ANKS1B: variants seen among roughly 807,000 people sequenced by gnomAD.
ANKS1B encodes ankyrin repeat and sterile alpha motif domain containing 1B, also known as ankyrin repeat and sterile alpha motif domain-containing protein 1B.
A neutral mutation model predicts 148.3 loss-of-function variants in ANKS1B; 36 were observed. That is an observed-to-expected ratio of 0.24 (90% CI 0.19 to 0.32). The LOEUF (loss-of-function observed/expected upper bound fraction) is 0.32. ANKS1B is among the 10% of genes least tolerant of loss of function. ANKS1B has a pLI of 1.00. For synonymous variants in ANKS1B, 542 were observed against 560.8 expected (o/e 0.97, Z 0.47); for missense variants, 1,157 against 1,542.6 (o/e 0.75, Z 4.19).
intron 8 of ANKS1B, among the ~76,000 whole-genome samples, chr12:99,745,739 A>C (rs1425115390): frequency 6.6e-6 from 1 of 152,070 alleles, no homozygotes; most frequent in Non-Finnish European, 1.5e-5. Flanking sequence ...ATTTTTAAAA[A>C]TCTAATTGAT....
chr12:99,933,413 T>C (rs1309273935), intron 1 of ANKS1B, among the ~76,000 whole-genome samples: 6 of 152,224 alleles, frequency 3.9e-5, no homozygotes, highest in Non-Finnish European at 8.8e-5. Flanking sequence ...TTTTTCCATT[T>C]TTCCATGTCC....
chr12:99,648,412 C>G (rs1567558795), intron 9 of ANKS1B: 2 of 1,614,198 alleles, frequency 1.2e-6, no homozygotes, highest in Non-Finnish European at 1.7e-6. Flanking sequence ...CAGCCCCTGC[C>G]TCACACTACC....
chr12:99,832,517 A>C (rs1171954879), intron 1 of ANKS1B, among the ~76,000 whole-genome samples: 3 of 152,160 alleles, frequency 2.0e-5, no homozygotes, highest in Middle Eastern at 6.8e-3. Context: ...TGAGGTCAGG[A>C]GTTCGAAACC....
At chr12:98,783,244 T>G (rs2098755011) in intron 22 of ANKS1B, among the ~76,000 whole-genome samples, 1 of 152,208 alleles carries the variant, frequency 6.6e-6, no homozygotes, top group Non-Finnish European at 1.5e-5. Context: ...CTGGAAAAGC[T>G]CGAGTCTAGT....
chr12:99,540,569 T>C (rs1350777660), intron 9 of ANKS1B, among the ~76,000 whole-genome samples: 8 of 152,134 alleles, frequency 5.3e-5, no homozygotes, highest in African/African-American at 1.9e-4. Flanking sequence ...TAATTAGCAA[T>C]GTGCCAAAGA....
intron 8 of ANKS1B, among the ~76,000 whole-genome samples, chr12:99,673,836 A>G (rs2098549534): frequency 6.6e-6 from 1 of 151,718 alleles, no homozygotes; most frequent in Non-Finnish European, 1.5e-5. Context: ...GGTTATTAAT[A>G]TGGTCATTAT....
intron 17 of ANKS1B, among the ~76,000 whole-genome samples, chr12:98,921,501 T>A (rs2099801378): frequency 1.3e-5 from 2 of 152,218 alleles, no homozygotes; most frequent in South Asian, 4.1e-4. Flanking sequence ...TTCAAGCAGC[T>A]CCGTGTGTTT....
At chr12:98,992,061 C>T (rs1343343242) in intron 17 of ANKS1B, among the ~76,000 whole-genome samples, 18 of 152,162 alleles carry the variant, frequency 1.2e-4, no homozygotes, top group Non-Finnish European at 2.5e-4. Context: ...GGGTAGGTTA[C>T]AGGACAGATG....
At chr12:98,752,265 T>C (rs59767049) in intron 25 of ANKS1B, among the ~76,000 whole-genome samples, 4,317 of 32,672 alleles carry the variant, frequency 0.13, 116 homozygotes, top group African/African-American at 0.38. Context: ...ATTTTTTTTC[T>C]TTTTTTTTTT....
In ANKS1B at chr12:99,825,374, G is replaced by T; in HGVS notation, c.150C>A (p.Pro50=). The part of the protein sequence containing the change: ...LSNLLSIWRG[P]NVNCTDSSGY... ...CCGAACTGTCTGTGCAGTTCACATT[G>T]GGGCCTCGCCAGATGCTGCAAATAA... Residue 50 remains proline, a synonymous_variant, in exon 2 of 27, where the codon CCC becomes CCA. Coordinates refer to ENST00000683438, the MANE Select transcript of ANKS1B (RefSeq NM_001352186.2). The T allele has an allele frequency of 6.2e-7, 1 of 1,611,034 alleles. No homozygotes were observed. The highest frequency in any genetic ancestry group is 1.1e-5 in the South Asian group (1 of 90,222).
At chr12:99,943,949 C>T in intron 1 of ANKS1B, among the ~76,000 whole-genome samples, 1 of 152,084 alleles carries the variant, frequency 6.6e-6, no homozygotes, top group Admixed American at 6.5e-5. Context: ...TGCTATCCCT[C>T]CCCTAGCCCC....
At chr12:98,876,981 G>T (rs2152459195) in intron 17 of ANKS1B, among the ~76,000 whole-genome samples, 1 of 152,282 alleles carries the variant, frequency 6.6e-6, no homozygotes, top group Middle Eastern at 3.4e-3. Flanking sequence ...GTATAATAAA[G>T]AAAAGCACTT....
intron 12 of ANKS1B, among the ~76,000 whole-genome samples, chr12:99,288,601 T>C (rs927948632): frequency 6.6e-6 from 1 of 151,938 alleles, no homozygotes; most frequent in Admixed American, 6.6e-5. Context: ...AAAATAATAA[T>C]GGGGTGATAA....
exon 10 of ANKS1B, chr12:98,735,241 A>AT (rs3834481): frequency 0.031 from 12,313 of 398,926 alleles, 220 homozygotes; most frequent in Middle Eastern, 0.057. Flanking sequence ...CCCTTGCTGT[A>AT]TTTTTTTGTA....
intron 16 of ANKS1B, among the ~76,000 whole-genome samples, chr12:99,066,925 G>T (rs2044560037): frequency 1.3e-5 from 2 of 152,304 alleles, no homozygotes; most frequent in South Asian, 4.1e-4. Context: ...ATGGGTGACT[G>T]GCAGGGACAG....
intron 12 of ANKS1B, among the ~76,000 whole-genome samples, chr12:99,267,514 C>T (rs1409342590): frequency 1.3e-5 from 2 of 152,074 alleles, no homozygotes; most frequent in Non-Finnish European, 2.9e-5. Context: ...GAGGCAGGTA[C>T]TATTTCCCCC....
chr12:98,948,577 A>C (rs1334821955), intron 17 of ANKS1B, among the ~76,000 whole-genome samples: 1 of 152,198 alleles, frequency 6.6e-6, no homozygotes, highest in East Asian at 1.9e-4. Flanking sequence ...ATTTATGCTG[A>C]TTAACCAACG....
At chr12:98,868,515 G>A (rs2099637010) in intron 17 of ANKS1B, among the ~76,000 whole-genome samples, 1 of 152,232 alleles carries the variant, frequency 6.6e-6, no homozygotes, top group Non-Finnish European at 1.5e-5. Context: ...GTTTAGCTGT[G>A]TAGACAAGGT....
chr12:98,806,300 CTTTAAAA>C (rs2099050581), intron 20 of ANKS1B, among the ~76,000 whole-genome samples: 2 of 152,218 alleles, frequency 1.3e-5, no homozygotes, highest in African/African-American at 4.8e-5. Flanking sequence ...TTGTATTATT[CTTTAAAA>C]TTTTTAAAAA....
Sources: allele counts gnomAD v4.1 joint callset (sites outside exome capture counted in the v4.1 genomes callset), GRCh38; gene constraint gnomAD v4.1.1; transcripts MANE v1.5; gene names NCBI Gene and HGNC (gene_info 2026-07-23, HGNC 2026-07-21).